Variants in RUNDC1 observed in about 807,000 individuals in gnomAD.
RUNDC1 encodes RUN domain-containing protein 1.
In RUNDC1, 31 loss-of-function variants were observed where a neutral mutation model predicts 49.3. That is an observed-to-expected ratio of 0.63 (90% CI 0.47 to 0.85). The LOEUF (loss-of-function observed/expected upper bound fraction) is 0.85, where lower values mean the gene tolerates loss of function less well. Among genes scored for constraint, RUNDC1 ranks in the 40% least tolerant of loss-of-function variants. The probability of loss-of-function intolerance (pLI) is 0.00; values close to 1 mark genes in which losing one functional copy is unlikely to be tolerated. For synonymous variants in RUNDC1, 347 were observed against 348.6 expected (o/e 1.00, Z 0.05); for missense variants, 715 against 806.7 (o/e 0.89, Z 1.38).
Position 42,991,820 on chromosome 17 carries a change from T to A in RUNDC1, c.*104T>A, listed in dbSNP as rs1435447369. 1.1e-5 allele frequency: 14 copies of A among 1,262,246 alleles called. No homozygotes were observed. In the South Asian group the frequency reaches 1.6e-4, roughly 14 times the overall value. The allele number at this position is 1,262,246 out of a possible 1,614,324, so 78.2% of individuals were successfully genotyped here. ...TCAGAGGTGGGGTTAAAGGCATTTTTCCCAGACCCTGCTCAGGCAGTCGGC... is the reference window on the plus strand; with the variant it reads ...TCAGAGGTGGGGTTAAAGGCATTTTACCCAGACCCTGCTCAGGCAGTCGGC... On this transcript the variant is annotated 3_prime_UTR_variant, in exon 5 of 5. Transcript: ENST00000361677.
At chr17:42,985,665 C>T (rs2050161989) in intron 1 of RUNDC1, 4 of 894,874 alleles carry the variant, frequency 4.5e-6, no homozygotes, top group African/African-American at 1.9e-5. Flanking sequence ...TGGTAAGTAC[C>T]GTTTTAAGGT....
At position 42,990,899 on chromosome 17, in the gene RUNDC1, T is replaced by A. The variant is rs757628851; in HGVS notation, c.1025T>A (p.Met342Lys). Reference protein sequence around the residue: ...KKVRETGLHLMRRALAVLQIF... With the variant: ...KKVRETGLHLKRRALAVLQIF... ...GTCCGGGAGACGGGGCTGCACCTGA[T>A]GCGGCGAGCGCTGGCCGTGCTCCAG... Residue 342 changes from methionine (M) to lysine (K), a missense_variant, in exon 5 of 5, where the codon ATG (methionine) becomes AAG (lysine). By Grantham distance (95) the Met-to-Lys change is moderately conservative. Around this residue, in one of 5 missense-constraint regions of RUNDC1, gnomAD observed 425 missense variants for 499.7 expected, o/e 0.85. Coordinates refer to ENST00000361677, the MANE Select transcript of RUNDC1 (RefSeq NM_173079.5). 2.1e-5 allele frequency: 33 copies of A among 1,608,348 alleles called. No homozygotes were observed. Among genetic ancestry groups the A allele is most frequent in the Middle Eastern group, 1.6e-4 (1 of 6,064 alleles).
chr17:42,990,280 G>T, intron 3 of RUNDC1, 37 bp from the exon 4 acceptor site: 1 of 1,610,010 alleles, frequency 6.2e-7, no homozygotes, highest in South Asian at 1.1e-5. Flanking sequence ...GCCATAAAGG[G>T]CTAAATAAGT....
At position 42,991,158 on chromosome 17, in the gene RUNDC1, G is replaced by A. The variant is rs1482457070; in HGVS notation, c.1284G>A (p.Lys428=). The change falls in exon 5 of 5, where the codon AAG becomes AAA. Residue 428 remains lysine, a synonymous_variant. Coordinates refer to ENST00000361677, the MANE Select transcript of RUNDC1 (RefSeq NM_173079.5). ...GKDELTMAVR[K]ELTVAVRDLL... ...ATGAGCTGACTATGGCTGTGCGGAA[G>A]GAGCTAACGGTGGCTGTGAGGGACC... 1.2e-6 allele frequency: 2 copies of A among 1,614,132 alleles called. No homozygotes were observed. The highest frequency in any genetic ancestry group is 2.7e-5 in the African/African-American group (2 of 74,946).
At chr17:42,981,224 G>A in intron 1 of RUNDC1, 150 bp downstream of exon 1, 1 of 1,107,454 alleles carries the variant, frequency 9.0e-7, no homozygotes, top group Non-Finnish European at 1.2e-6. Flanking sequence ...CTGGAGTGCG[G>A]GGCCGGCTGA....
intron 1 of RUNDC1, among the ~76,000 whole-genome samples, chr17:42,985,931 T>C (rs1448480632): frequency 6.6e-6 from 1 of 152,220 alleles, no homozygotes; most frequent in Non-Finnish European, 1.5e-5. Context: ...CGTTGTTACC[T>C]TCACATCCCC....
intron 1 of RUNDC1, chr17:42,981,378 C>T: frequency 2.7e-6 from 1 of 374,990 alleles, no homozygotes; most frequent in Non-Finnish European, 4.8e-6. Flanking sequence ...CAGCCAAGAG[C>T]AGTGCTGCGC....
chr17:42,984,237 A>G (rs949833475), intron 1 of RUNDC1, among the ~76,000 whole-genome samples: 1 of 150,906 alleles, frequency 6.6e-6, no homozygotes, highest in African/African-American at 2.4e-5. Context: ...TAGCCTCCCT[A>G]AGTGCTGGGA....
chr17:42,982,275 C>T (rs142532352), intron 1 of RUNDC1, among the ~76,000 whole-genome samples: 1 of 152,300 alleles, frequency 6.6e-6, no homozygotes, highest in East Asian at 1.9e-4. Context: ...AAGTGAGCCA[C>T]CATGCCCCAT....
In RUNDC1 at chr17:42,990,904, C is replaced by T. The variant is rs746353875; in HGVS notation, c.1030C>T (p.Arg344Ter). 20 of 1,609,690 alleles carry T rather than the reference C, an allele frequency of 1.2e-5. No individual in the cohort carries two copies. The highest frequency in any genetic ancestry group is 1.5e-5 in the Non-Finnish European group (18 of 1,176,662). The part of the protein sequence containing the change: ...VRETGLHLMR[R>*]ALAVLQIFAV... ...GGAGACGGGGCTGCACCTGATGCGG[C>T]GAGCGCTGGCCGTGCTCCAGATCTT... is the stretch of plus-strand genomic sequence containing the variant. Residue 344 changes from arginine (R) to a stop codon, truncating the protein, a stop_gained, in exon 5 of 5, where the codon CGA (arginine) becomes TGA (stop). Coordinates refer to ENST00000361677, the MANE Select transcript of RUNDC1 (RefSeq NM_173079.5). LOFTEE classifies it high-confidence loss of function.
At chr17:42,989,296 C>T in intron 2 of RUNDC1, 45 bp from the exon 3 acceptor site, 2 of 1,453,476 alleles carry the variant, frequency 1.4e-6, no homozygotes, top group South Asian at 2.3e-5. Context: ...TAACCCTCTC[C>T]CTAAAAATTC....
chr17:42,983,150 C>T (rs1271189176), intron 1 of RUNDC1, among the ~76,000 whole-genome samples: 2 of 149,828 alleles, frequency 1.3e-5, no homozygotes, highest in African/African-American at 2.5e-5. Flanking sequence ...CCGCTGCACT[C>T]CAGCCTGAGT....
In RUNDC1 at chr17:42,983,018, G is replaced by GAAA. The variant is rs138243664; in HGVS notation, c.498+1955_498+1957dup. Among the ~76,000 whole-genome samples, 8 of 134,282 alleles carry GAAA rather than the reference G, an allele frequency of 6.0e-5. No individual in the cohort carries two copies. The East Asian group carries it at 1.5e-3, about 26-fold the overall frequency. The allele number at this position is 134,282 out of a possible 152,430, so 88.1% of individuals were successfully genotyped here. Reference sequence around the variant, plus strand: ...AAAAACACACAAAAAATTAAAAACTGAAAAAAAAAAAAAGACTGTGTGCAG... The same window carrying GAAA: ...AAAAACACACAAAAAATTAAAAACTGAAAAAAAAAAAAAAAAGACTGTGTGCAG... On this transcript the variant is annotated intron_variant, in intron 1 of 4. Transcript: ENST00000361677.
intron 1 of RUNDC1, among the ~76,000 whole-genome samples, chr17:42,984,767 G>A (rs1339671114): frequency 2.7e-5 from 1 of 36,802 alleles, no homozygotes; most frequent in Non-Finnish European, 8.6e-5. Flanking sequence ...TTGGGTAACA[G>A]TGAGAACAAA....
rs201751832 is a variant in RUNDC1 at position 42,985,638 on chromosome 17, C to A, written c.499-1618C>A. The stretch of plus-strand genomic sequence containing the variant: ...TTTTTTCATTTCTTCTCTCTCATTA[C>A]TTACTTCTTCAGGGCTTGGTAAGTA... On this transcript the variant is annotated intron_variant, in intron 1 of 4. Transcript: ENST00000361677. 113 of 38,462 alleles carry A rather than the reference C, an allele frequency of 2.9e-3. 5 individuals are homozygous for A. Among genetic ancestry groups the A allele is most frequent in the Middle Eastern group, 0.018 (1 of 56 alleles). The allele number at this position is 38,462 out of a possible 1,614,324, so 2.4% of individuals were successfully genotyped here. A position where few individuals can be genotyped will look rare whatever the true frequency, so the allele number is the denominator to read the frequency against.
chr17:42,989,228 TAG>T (rs1567731798), intron 2 of RUNDC1, 111 bp from the exon 3 acceptor site: 1 of 734,690 alleles, frequency 1.4e-6, no homozygotes, highest in Non-Finnish European at 2.3e-6. Flanking sequence ...TTCACAAATT[TAG>T]AGGTCTGTTT....
chr17:42,984,898 T>C (rs2050150719), intron 1 of RUNDC1, among the ~76,000 whole-genome samples: 4 of 140,730 alleles, frequency 2.8e-5, no homozygotes, highest in Admixed American at 1.4e-4. Flanking sequence ...TCTTTTTTTT[T>C]TTTTTTTTTT....
At chr17:42,984,792 C>T (rs1164515815) in intron 1 of RUNDC1, among the ~76,000 whole-genome samples, 1 of 152,034 alleles carries the variant, frequency 6.6e-6, no homozygotes, top group Non-Finnish European at 1.5e-5. Flanking sequence ...AAAGACTTTT[C>T]CACAGTTCTT....
rs574456304 is a variant in RUNDC1 at position 42,990,506 on chromosome 17, G to T, written c.976+70G>T. 2.0e-6 allele frequency: 3 copies of T among 1,486,492 alleles called. No homozygotes were observed. In the South Asian group the frequency reaches 3.5e-5, roughly 17 times the overall value. The allele number at this position is 1,486,492 out of a possible 1,614,324, so 92.1% of individuals were successfully genotyped here. A position where few individuals can be genotyped will look rare whatever the true frequency, so the allele number is the denominator to read the frequency against. On this transcript the variant is annotated intron_variant, in intron 4 of 4. Coordinates refer to ENST00000361677, the MANE Select transcript of RUNDC1 (RefSeq NM_173079.5). ...TAGATGAGTGGTTGCCTAGGGCTTG[G>T]GTGTGTTGAGGAGAAGAGGGGAATG...
Sources: allele counts gnomAD v4.1 joint callset (sites outside exome capture counted in the v4.1 genomes callset), GRCh38; gene constraint gnomAD v4.1.1; regional missense constraint gnomAD v4.1.1; transcripts MANE v1.5; gene names NCBI Gene and HGNC (gene_info 2026-07-23, HGNC 2026-07-21).